Variants in PBX1 observed in about 807,000 individuals in gnomAD.
PBX1 encodes the protein pre-B-cell leukemia transcription factor 1.
Under a neutral mutation model 53.4 loss-of-function variants are expected in PBX1, and 6 were observed. The ratio of observed to expected loss-of-function variants is 0.11; its 90% CI spans 0.06 to 0.22. The LOEUF (loss-of-function observed/expected upper bound fraction) is 0.22, where lower values mean the gene tolerates loss of function less well. Among genes scored for constraint, PBX1 ranks in the 10% least tolerant of loss-of-function variants. The probability of loss-of-function intolerance (pLI) is 1.00; values close to 1 mark genes in which losing one functional copy is unlikely to be tolerated. For missense variants in PBX1, 251 were observed against 551.4 expected, an observed-to-expected ratio of 0.46 and a Z score of 5.46; for synonymous variants, 204 against 212.3, an observed-to-expected ratio of 0.96 and a Z score of 0.34.
chr1:164,636,703 T>G (rs1352433067), intron 2 of PBX1, among the ~76,000 whole-genome samples: 1 of 152,164 alleles, frequency 6.6e-6, no homozygotes, highest in African/African-American at 2.4e-5. Flanking sequence ...CCAGGGAGAC[T>G]GCAACTTTCT....
At chr1:164,588,695 G>A (rs2101761825) in intron 2 of PBX1, among the ~76,000 whole-genome samples, 1 of 152,060 alleles carries the variant, frequency 6.6e-6, no homozygotes, top group Non-Finnish European at 1.5e-5. Context: ...AAAAATAAGA[G>A]GGAGAGAGAG....
intron 8 of PBX1, among the ~76,000 whole-genome samples, chr1:164,826,298 G>A (rs1670458498): frequency 6.6e-6 from 1 of 151,966 alleles, no homozygotes; most frequent in South Asian, 2.1e-4. Flanking sequence ...AACCCAAATG[G>A]GAAGGAAGAA....
intron 2 of PBX1, among the ~76,000 whole-genome samples, chr1:164,761,173 A>G (rs537619681): frequency 6.6e-6 from 1 of 152,332 alleles, no homozygotes; most frequent in African/African-American, 2.4e-5. Context: ...TTAGGGACAC[A>G]TTGGTGGTCA....
intron 2 of PBX1, among the ~76,000 whole-genome samples, chr1:164,632,783 A>G (rs965314325): frequency 1.3e-4 from 20 of 152,064 alleles, no homozygotes; most frequent in African/African-American, 4.1e-4. Flanking sequence ...ATTACCAGGA[A>G]CTCATTGGTG....
chr1:164,799,926 A>G (rs1668984303), intron 4 of PBX1, 37 bp downstream of exon 4: 16 of 1,571,066 alleles, frequency 1.0e-5, no homozygotes, highest in Non-Finnish European at 1.4e-5. Flanking sequence ...CCTCTCTGGG[A>G]GTCCCTGATC....
rs930974965 is a variant in PBX1, at chr1:164,848,076, C to A, written c.*1400C>A. On this transcript the variant is annotated 3_prime_UTR_variant, in exon 9 of 9. Coordinates refer to ENST00000420696, the MANE Select transcript of PBX1 (RefSeq NM_002585.4). ...TCTGGAGGAAAGAGTTGTATAAGAACGTGGCTCATGTGAACTTTTGCTAGC... is the reference window on the plus strand; with the variant it reads ...TCTGGAGGAAAGAGTTGTATAAGAAAGTGGCTCATGTGAACTTTTGCTAGC... 1 of 1,051,402 alleles carries A rather than the reference C, an allele frequency of 9.5e-7. No individual in the cohort carries two copies. Among genetic ancestry groups the A allele is most frequent in the Non-Finnish European group, 1.1e-6 (1 of 870,710 alleles). 65.1% of individuals were successfully genotyped at this position (1,051,402 alleles called of 1,614,324 possible).
At chr1:164,702,616 T>C (rs1043894053) in intron 2 of PBX1, among the ~76,000 whole-genome samples, 9 of 151,916 alleles carry the variant, frequency 5.9e-5, no homozygotes, top group African/African-American at 2.2e-4. Flanking sequence ...TGTGTGCTTC[T>C]ACAGTGGCAG....
intron 2 of PBX1, among the ~76,000 whole-genome samples, chr1:164,765,148 T>C (rs1292324717): frequency 1.3e-5 from 2 of 152,110 alleles, no homozygotes; most frequent in Non-Finnish European, 2.9e-5. Context: ...TTTAGAAACA[T>C]ATAGAGGTGA....
At chr1:164,715,680 G>A (rs771602391) in intron 2 of PBX1, among the ~76,000 whole-genome samples, 1 of 152,126 alleles carries the variant, frequency 6.6e-6, no homozygotes, top group Non-Finnish European at 1.5e-5. Flanking sequence ...TGCTTGACTA[G>A]CTCATGCCTT....
At chr1:164,621,749 A>G (rs894187244) in intron 2 of PBX1, among the ~76,000 whole-genome samples, 2 of 152,164 alleles carry the variant, frequency 1.3e-5, no homozygotes, top group Non-Finnish European at 2.9e-5. Context: ...CTGAACAGAA[A>G]GGTTTCTGTG....
chr1:164,794,549 C>T (rs1045518398), intron 3 of PBX1, among the ~76,000 whole-genome samples: 1 of 152,134 alleles, frequency 6.6e-6, no homozygotes, highest in Admixed American at 6.5e-5. Flanking sequence ...AACAAATGTT[C>T]TCGCCACAGT....
At chr1:164,736,579 A>G (rs533033202) in intron 2 of PBX1, among the ~76,000 whole-genome samples, 1 of 152,324 alleles carries the variant, frequency 6.6e-6, no homozygotes, top group Admixed American at 6.5e-5. Flanking sequence ...AGAAGGAACA[A>G]TGACATATAC....
At chr1:164,870,214 T>TC (rs1672318781) in intron 2 of PBX1, among the ~76,000 whole-genome samples, 1 of 82,466 alleles carries the variant, frequency 1.2e-5, no homozygotes, top group African/African-American at 3.6e-5. Flanking sequence ...CTTTCTTTTC[T>TC]TTCTTTCCTT....
intron 2 of PBX1, among the ~76,000 whole-genome samples, chr1:164,725,462 C>A (rs9803758): frequency 1.3e-5 from 2 of 152,164 alleles, no homozygotes; most frequent in South Asian, 4.2e-4. Context: ...CACATCAGCT[C>A]TCTTTGCTCC....
chr1:164,583,551 G>A (rs1654766105), intron 2 of PBX1, among the ~76,000 whole-genome samples: 1 of 152,122 alleles, frequency 6.6e-6, no homozygotes, highest in Non-Finnish European at 1.5e-5. Context: ...GGCCACCATT[G>A]TGATTCTTGT....
chr1:164,755,780 A>G (rs375882061), intron 2 of PBX1, among the ~76,000 whole-genome samples: 36 of 152,142 alleles, frequency 2.4e-4, no homozygotes, highest in East Asian at 1.2e-3. Context: ...AGTCCTTTCA[A>G]TCGCCCATCA....
intron 2 of PBX1, among the ~76,000 whole-genome samples, chr1:164,716,751 A>G (rs937851548): frequency 7.1e-6 from 1 of 141,706 alleles, no homozygotes; most frequent in Non-Finnish European, 1.6e-5. Context: ...AAGAGAAGAA[A>G]AAAAAAGAAT....
At chr1:164,562,410 T>C (rs1333329168) in intron 1 of PBX1, among the ~76,000 whole-genome samples, 5 of 150,192 alleles carry the variant, frequency 3.3e-5, no homozygotes, top group Admixed American at 1.3e-4. Context: ...CATAATAAAA[T>C]AGAAGGAAAG....
At position 164,812,165 on chromosome 1, in the gene PBX1, G is replaced by A; in HGVS notation, c.997+16G>A. Reference sequence around the variant, plus strand: ...AACTCGGCTGGTTAGTTTTTTCTTTGATTGGGGGTGGGGGAAGGAATTGTT... The same window carrying A: ...AACTCGGCTGGTTAGTTTTTTCTTTAATTGGGGGTGGGGGAAGGAATTGTT... On this transcript the variant is annotated intron_variant, in intron 6 of 8. Coordinates refer to ENST00000420696, the MANE Select transcript of PBX1 (RefSeq NM_002585.4). 6.2e-7 allele frequency: 1 copy of A among 1,601,700 alleles called. No individual in the cohort carries two copies.
Sources: gnomAD v4.1 joint callset for allele counts (sites outside exome capture counted in the v4.1 genomes callset) on GRCh38, gnomAD v4.1.1 for gene constraint, MANE v1.5 for transcripts, NCBI Gene and HGNC (gene_info 2026-07-23, HGNC 2026-07-21) for gene names.